Variants in CFAP47 observed in about 807,000 individuals in gnomAD.
CFAP47 encodes the protein cilia- and flagella-associated protein 47.
CFAP47 carries 29 observed loss-of-function variants against 148.1 expected under a neutral mutation model. The ratio of observed to expected loss-of-function variants is 0.20; its 90% CI spans 0.15 to 0.27. The LOEUF (loss-of-function observed/expected upper bound fraction) is 0.27, where lower values mean the gene tolerates loss of function less well. Among genes scored for constraint, CFAP47 ranks in the 10% least tolerant of loss-of-function variants. CFAP47 has a pLI of 1.00. For missense variants in CFAP47, 1,872 were observed against 1,697.5 expected (o/e 1.10, Z -1.81); for synonymous variants, 664 against 577.3 (o/e 1.15, Z -2.15).
chrX:36,299,321 G>T (rs1556007406), intron 52 of CFAP47, among the ~76,000 whole-genome samples, 169 bp downstream of exon 52: 1 of 111,440 alleles, frequency 9.0e-6, no homozygotes, highest in Non-Finnish European at 1.9e-5. Flanking sequence ...GCTTTTGCTT[G>T]CTTCAGTGCA....
intron 52 of CFAP47, among the ~76,000 whole-genome samples, chrX:36,299,744 A>C (rs1451996857): frequency 9.0e-6 from 1 of 111,652 alleles, no homozygotes; most frequent in Non-Finnish European, 1.9e-5. Context: ...TCTGCATATA[A>C]GTGAAATTTG....
intron 39 of CFAP47, among the ~76,000 whole-genome samples, chrX:36,162,436 T>C (rs1020302177): frequency 8.9e-6 from 1 of 111,899 alleles, no homozygotes. Flanking sequence ...ATATAGAAAC[T>C]ATTTTTAAGT....
intron 59 of CFAP47, among the ~76,000 whole-genome samples, chrX:36,352,667 A>G (rs1556017688): frequency 9.1e-6 from 1 of 109,950 alleles, no homozygotes; most frequent in Non-Finnish European, 1.9e-5. Context: ...ATTTATGTGG[A>G]CTCCAGTACA....
intron 50 of CFAP47, among the ~76,000 whole-genome samples, chrX:36,284,419 CA>C (rs1941110956): frequency 9.0e-6 from 1 of 111,280 alleles, no homozygotes; most frequent in African/African-American, 3.3e-5. Context: ...TCAGGTCCAC[CA>C]ATCTTACAAG....
chrX:36,016,188 TA>T (rs1400229082), intron 22 of CFAP47, among the ~76,000 whole-genome samples: 1 of 110,646 alleles, frequency 9.0e-6, no homozygotes, highest in African/African-American at 3.3e-5. Flanking sequence ...AGTATATAAT[TA>T]AATTATTATT....
intron 29 of CFAP47, among the ~76,000 whole-genome samples, chrX:36,081,406 C>T (rs1937979374): frequency 9.0e-6 from 1 of 111,146 alleles, no homozygotes; most frequent in South Asian, 3.8e-4. Flanking sequence ...CCAAATTCTA[C>T]CAGATATTCA....
rs1937531760 is a variant in CFAP47 at position 36,053,599 on chromosome X, G to A, written c.4217+6536G>A. 2.7e-5 allele frequency among the ~76,000 whole-genome samples: 3 copies of A among 111,249 alleles called. No homozygotes were observed. The South Asian group carries it at 1.1e-3, about 43-fold the overall frequency. On this transcript the variant is annotated intron_variant, in intron 26 of 63. Coordinates refer to ENST00000378653, the MANE Select transcript of CFAP47 (RefSeq NM_001304548.2). ...CATCTGCTCTGTATTCTTTGTCCTA[G>A]CCCTGTGAAAAGCTGTTTGTAATGG...
At chrX:36,088,733 T>G (rs1938131343) in intron 30 of CFAP47, among the ~76,000 whole-genome samples, 1 of 111,826 alleles carries the variant, frequency 8.9e-6, no homozygotes. Flanking sequence ...CTTACCAATA[T>G]CATATCTAAC....
At chrX:36,359,911 C>T (rs1016274368) in intron 60 of CFAP47, among the ~76,000 whole-genome samples, 2 of 110,878 alleles carry the variant, frequency 1.8e-5, no homozygotes, top group South Asian at 7.8e-4. Flanking sequence ...CCACCATGCC[C>T]AGCTAATTTT....
chrX:36,140,381 CTCCTT>C (rs747093267), intron 35 of CFAP47, among the ~76,000 whole-genome samples: 79 of 111,606 alleles, frequency 7.1e-4, no homozygotes, highest in African/African-American at 2.4e-3. Context: ...TTGTGACTCT[CTCCTT>C]TGCTTTTTGA....
At chrX:36,005,137 C>T (rs750108898) in intron 21 of CFAP47, among the ~76,000 whole-genome samples, 16 of 110,598 alleles carry the variant, frequency 1.4e-4, no homozygotes, top group African/African-American at 5.2e-4. Context: ...TTGATATTTT[C>T]AAGATCCAAC....
chrX:36,052,656 T>C (rs1937525385), intron 26 of CFAP47, among the ~76,000 whole-genome samples: 1 of 112,333 alleles, frequency 8.9e-6, no homozygotes. Flanking sequence ...TTCAGTAGCA[T>C]TTTATCAACC....
intron 8 of CFAP47, among the ~76,000 whole-genome samples, chrX:35,960,333 G>T (rs1936308017): frequency 1.2e-5 from 1 of 85,561 alleles, no homozygotes; most frequent in Admixed American, 1.5e-4. Flanking sequence ...CCTAATGTGG[G>T]ATGCTTGCAA....
At chrX:36,126,884 A>G (rs1161936735) in intron 33 of CFAP47, among the ~76,000 whole-genome samples, 3 of 112,554 alleles carry the variant, frequency 2.7e-5, no homozygotes, top group South Asian at 3.6e-4. Flanking sequence ...TGTTGGCTGC[A>G]TAAATGTCTT....
chrX:36,007,184 C>A (rs1278251888), intron 21 of CFAP47, among the ~76,000 whole-genome samples: 2 of 112,096 alleles, frequency 1.8e-5, no homozygotes, highest in East Asian at 5.6e-4. Context: ...ATTGTTCATG[C>A]TTTTTATTTT....
rs763789930 is a variant in CFAP47, at chrX:35,971,616, C to T, written c.2001C>T (p.Asp667=). The T allele has an allele frequency of 1.7e-6, 2 of 1,186,341 alleles. No individual in the cohort carries two copies. Among genetic ancestry groups the T allele is most frequent in the Middle Eastern group, 2.3e-4 (1 of 4,281 alleles). Residue 667 remains aspartate, a synonymous_variant, in exon 12 of 64, where the codon GAC becomes GAT. Coordinates refer to ENST00000378653, the MANE Select transcript of CFAP47 (RefSeq NM_001304548.2). ...RERMYSYDDT[D]IGLEPGSGLK... The stretch of plus-strand genomic sequence containing the variant: ...GCATGTATTCATATGATGATACAGA[C>T]ATAGGCTTAGAGCCAGGATCAGGTC...
intron 33 of CFAP47, among the ~76,000 whole-genome samples, chrX:36,127,767 A>C (rs1047654895): frequency 1.6e-4 from 18 of 110,634 alleles, no homozygotes; most frequent in African/African-American, 5.3e-4. Context: ...CTCTTATTTC[A>C]TTGAGCAGTG....
chrX:36,073,696 C>A (rs553132613), intron 29 of CFAP47, among the ~76,000 whole-genome samples: 1 of 110,804 alleles, frequency 9.0e-6, no homozygotes, highest in Non-Finnish European at 1.9e-5. Context: ...AGCCCTAGAT[C>A]GAGATTATAG....
Position 36,350,713 on chromosome X carries a change from T to C in CFAP47, c.8698+581T>C, listed in dbSNP as rs189813005. Among the ~76,000 whole-genome samples, 758 of 108,561 alleles carry C rather than the reference T, an allele frequency of 7.0e-3. 4 individuals carry two copies. The highest frequency in any genetic ancestry group is 0.012 in the Non-Finnish European group (609 of 52,315). 94.3% of individuals were successfully genotyped at this position (108,561 alleles called of 115,157 possible). A position where few individuals can be genotyped will look rare whatever the true frequency, so the allele number is the denominator to read the frequency against. On this transcript the variant is annotated intron_variant, in intron 59 of 63. Coordinates refer to ENST00000378653, the MANE Select transcript of CFAP47 (RefSeq NM_001304548.2). ...ATTTATTTTTTTTTTTGCCTCGGCATACCCTAGACTTCTCTAACGTTTCTG... is the reference window on the plus strand; with the variant it reads ...ATTTATTTTTTTTTTTGCCTCGGCACACCCTAGACTTCTCTAACGTTTCTG...
Sources: gnomAD v4.1 joint callset for allele counts (sites outside exome capture counted in the v4.1 genomes callset) on GRCh38, gnomAD v4.1.1 for gene constraint, MANE v1.5 for transcripts, NCBI Gene and HGNC (gene_info 2026-07-23, HGNC 2026-07-21) for gene names.